Variants in OSBP2 observed in about 807,000 individuals in gnomAD.
OSBP2 encodes the protein oxysterol binding protein 2.
Under a neutral mutation model 96.0 loss-of-function variants are expected in OSBP2, and 66 were observed. The observed-to-expected ratio is 0.69, with a 90% CI of 0.56 to 0.84. OSBP2 has a LOEUF of 0.84. OSBP2 is among the 40% of genes least tolerant of loss of function. OSBP2 has a pLI of 0.00. For synonymous variants in OSBP2, 525 were observed against 520.9 expected, an observed-to-expected ratio of 1.01 and a Z score of -0.11; for missense variants, 1,038 against 1,222.7, an observed-to-expected ratio of 0.85 and a Z score of 2.25.
At chr22:30,860,806 CA>C (rs1221550223) in intron 2 of OSBP2, among the ~76,000 whole-genome samples, 3 of 152,190 alleles carry the variant, frequency 2.0e-5, no homozygotes, top group Non-Finnish European at 4.4e-5. Flanking sequence ...AAGCTGTGGG[CA>C]GCAGGCCATC....
chr22:30,871,366 G>A lies in OSBP2; in HGVS notation c.1107+684G>A, dbSNP rs1015184450. ...TGCTTGGCCCTGCTTCCCTCTTTCT[G>A]TCTGGGGAGTGTTCCCCAGAAGTGT... On this transcript the variant is annotated intron_variant, in intron 3 of 13. Coordinates refer to ENST00000332585, the MANE Select transcript of OSBP2 (RefSeq NM_030758.4). This position sits in a 1 kb window ranked among gnomAD's most constrained non-coding sequence, Gnocchi z 4.7. Among the ~76,000 whole-genome samples, 1 of 152,142 alleles carries A rather than the reference G, an allele frequency of 6.6e-6. No individual in the cohort carries two copies. The highest frequency in any genetic ancestry group is 1.5e-5 in the Non-Finnish European group (1 of 68,010).
At chr22:30,867,039 T>A (rs1254028420) in intron 2 of OSBP2, among the ~76,000 whole-genome samples, 2 of 152,198 alleles carry the variant, frequency 1.3e-5, no homozygotes, top group Non-Finnish European at 2.9e-5. Context: ...GATGCCACCT[T>A]CCCTTGAGGG....
intron 2 of OSBP2, among the ~76,000 whole-genome samples, chr22:30,867,493 CTCT>C (rs1238964504): frequency 6.6e-6 from 1 of 152,212 alleles, no homozygotes; most frequent in Admixed American, 6.5e-5. Flanking sequence ...TTCCCTCTCT[CTCT>C]TGTCCTACCC....
intron 3 of OSBP2, among the ~76,000 whole-genome samples, chr22:30,885,140 GGA>G (rs1464540207): frequency 2.6e-5 from 4 of 152,198 alleles, no homozygotes; most frequent in Non-Finnish European, 5.9e-5. Context: ...TCACAGGTGA[GGA>G]CTGGTGTGCC....
At chr22:30,896,499 T>G (rs895424907) in intron 12 of OSBP2, among the ~76,000 whole-genome samples, 7 of 152,130 alleles carry the variant, frequency 4.6e-5, no homozygotes, top group African/African-American at 1.7e-4. Context: ...TTTATAAGAC[T>G]GTTAAAATGG....
chr22:30,747,914 C>T (rs1602209956), intron 2 of OSBP2, among the ~76,000 whole-genome samples: 1 of 152,220 alleles, frequency 6.6e-6, no homozygotes, highest in South Asian at 2.1e-4. Flanking sequence ...TGGAGTCTTG[C>T]TCTGTCACCC....
chr22:30,831,600 C>T (rs992591615), intron 2 of OSBP2, among the ~76,000 whole-genome samples: 2 of 152,084 alleles, frequency 1.3e-5, no homozygotes, highest in Non-Finnish European at 2.9e-5. Flanking sequence ...TATAGGGCCC[C>T]TTGCAAAAAT....
intron 1 of OSBP2, among the ~76,000 whole-genome samples, chr22:30,713,529 C>T (rs1049096320): frequency 2.6e-5 from 4 of 151,998 alleles, no homozygotes; most frequent in Admixed American, 1.3e-4. Context: ...GGCATGATTA[C>T]AGCTCATTGC....
chr22:30,892,410 C>T (rs568563165), intron 8 of OSBP2, among the ~76,000 whole-genome samples: 275 of 152,116 alleles, frequency 1.8e-3, no homozygotes, highest in African/African-American at 6.5e-3. Context: ...CTGCGGGCAG[C>T]GGGATCCCGG....
intron 2 of OSBP2, among the ~76,000 whole-genome samples, chr22:30,754,429 T>C (rs2090116198): frequency 6.6e-6 from 1 of 152,104 alleles, no homozygotes; most frequent in African/African-American, 2.4e-5. Flanking sequence ...AACTCAGAGA[T>C]GAACAGGCAC....
chr22:30,776,479 T>G (rs136315), intron 2 of OSBP2, among the ~76,000 whole-genome samples: 14,482 of 152,184 alleles, frequency 0.095, 865 homozygotes, highest in Non-Finnish European at 0.14. Flanking sequence ...TACAGTGTAC[T>G]TCGCTGAAAC....
At chr22:30,848,363 A>G (rs1239247630) in intron 2 of OSBP2, among the ~76,000 whole-genome samples, 2 of 152,192 alleles carry the variant, frequency 1.3e-5, no homozygotes, top group Non-Finnish European at 1.5e-5. Flanking sequence ...TCATATGTAT[A>G]TCTGTATGTC....
chr22:30,810,738 G>A (rs770718932), intron 2 of OSBP2, among the ~76,000 whole-genome samples: 3 of 152,162 alleles, frequency 2.0e-5, no homozygotes, highest in African/African-American at 4.8e-5. Context: ...CCACGGGTGC[G>A]CCAAATGATC....
intron 2 of OSBP2, among the ~76,000 whole-genome samples, chr22:30,818,471 C>T (rs1295864409): frequency 2.6e-5 from 4 of 152,158 alleles, no homozygotes; most frequent in Non-Finnish European, 5.9e-5. Context: ...GAGTCCAGTT[C>T]ATCTTACTGG....
At chr22:30,879,435 C>T (rs1481254637) in intron 3 of OSBP2, among the ~76,000 whole-genome samples, 2 of 152,218 alleles carry the variant, frequency 1.3e-5, no homozygotes, top group South Asian at 2.1e-4. Context: ...TCACCAGTGC[C>T]GAGAGTGAGT....
At chr22:30,797,812 T>G (rs1392832881) in intron 2 of OSBP2, among the ~76,000 whole-genome samples, 1 of 152,060 alleles carries the variant, frequency 6.6e-6, no homozygotes, top group Admixed American at 6.6e-5. Flanking sequence ...CAGACTGGTC[T>G]CAAACTCCTG....
At chr22:30,725,458 C>G (rs2089630075) in intron 1 of OSBP2, among the ~76,000 whole-genome samples, 1 of 151,796 alleles carries the variant, frequency 6.6e-6, no homozygotes, top group South Asian at 2.1e-4. Context: ...TTGTAGTGAG[C>G]TGAGATCGCA....
At chr22:30,698,131 A>G (rs1233400143) in intron 1 of OSBP2, among the ~76,000 whole-genome samples, 1 of 152,186 alleles carries the variant, frequency 6.6e-6, no homozygotes, top group East Asian at 1.9e-4. Flanking sequence ...TGACAGCAGC[A>G]GGGTGGGTTT....
chr22:30,752,289 T>C (rs1482549320), intron 2 of OSBP2, among the ~76,000 whole-genome samples: 2 of 38,990 alleles, frequency 5.1e-5, no homozygotes. Context: ...TTTGCTTTGC[T>C]TTTTTTTTTT....
Sources: allele counts gnomAD v4.1 joint callset (sites outside exome capture counted in the v4.1 genomes callset), GRCh38; gene constraint gnomAD v4.1.1; non-coding constraint Gnocchi (gnomAD v3.1); transcripts MANE v1.5; gene names NCBI Gene and HGNC (gene_info 2026-07-23, HGNC 2026-07-21).